Variants in CNTN5 observed in about 807,000 individuals in gnomAD.
The protein encoded by CNTN5 is contactin-5.
CNTN5 carries 77 observed loss-of-function variants against 129.1 expected under a neutral mutation model. That is an observed-to-expected ratio of 0.60 (90% CI 0.50 to 0.72). The LOEUF (loss-of-function observed/expected upper bound fraction) is 0.72, where lower values mean the gene tolerates loss of function less well. Ranked by LOEUF, CNTN5 falls within the 30% of genes least tolerant of loss-of-function variation. The pLI, the probability that CNTN5 is intolerant of heterozygous loss-of-function variation, is 0.00. For synonymous variants in CNTN5, 509 were observed against 465.6 expected, an observed-to-expected ratio of 1.09 and a Z score of -1.20; for missense variants, 1,478 against 1,328.8, an observed-to-expected ratio of 1.11 and a Z score of -1.75.
At chr11:100,159,416 G>A (rs1947364509) in intron 13 of CNTN5, among the ~76,000 whole-genome samples, 1 of 151,684 alleles carries the variant, frequency 6.6e-6, no homozygotes, top group African/African-American at 2.4e-5. Context: ...CTCTATTACT[G>A]CTAAGTCACC....
intron 2 of CNTN5, among the ~76,000 whole-genome samples, chr11:99,390,360 C>G (rs1442749240): frequency 6.6e-6 from 1 of 152,140 alleles, no homozygotes; most frequent in Non-Finnish European, 1.5e-5. Flanking sequence ...TCAAACTATC[C>G]TCCAGTCTCA....
intron 6 of CNTN5, among the ~76,000 whole-genome samples, chr11:99,854,611 G>T (rs77821296): frequency 0.012 from 1,762 of 152,282 alleles, 24 homozygotes; most frequent in African/African-American, 0.04. Flanking sequence ...AATTTATAAT[G>T]CCAGTACATA....
chr11:99,215,427 G>A lies in CNTN5; in HGVS notation c.-209-109919G>A, dbSNP rs1405165231. On this transcript the variant is annotated intron_variant, in intron 1 of 24. Coordinates refer to ENST00000524871, the MANE Select transcript of CNTN5 (RefSeq NM_014361.4). ...AACAAATAGATTTCGGAGAATTTGG[G>A]TAGTAAAGTTCATAAGACCTCCTAA... 2.6e-5 allele frequency among the ~76,000 whole-genome samples: 4 copies of A among 152,096 alleles called. 1 individual carries two copies. In the South Asian group the frequency reaches 8.3e-4, roughly 31 times the overall value.
chr11:99,420,281 C>A (rs1210962068), intron 2 of CNTN5, among the ~76,000 whole-genome samples: 1 of 151,430 alleles, frequency 6.6e-6, no homozygotes, highest in Non-Finnish European at 1.5e-5. Context: ...AAACGTAAGT[C>A]AAAAAAAATC....
intron 1 of CNTN5, among the ~76,000 whole-genome samples, chr11:99,265,066 T>C (rs1240564962): frequency 3.3e-5 from 5 of 151,928 alleles, no homozygotes; most frequent in Admixed American, 3.3e-4. Flanking sequence ...AGTAAACAAT[T>C]AAAACTTAGG....
At chr11:99,981,264 C>T (rs1385387242) in intron 8 of CNTN5, among the ~76,000 whole-genome samples, 1 of 151,914 alleles carries the variant, frequency 6.6e-6, no homozygotes. Context: ...ACCCAGGAAG[C>T]TGATGGTGTA....
chr11:99,276,367 C>T (rs1194699728), intron 1 of CNTN5, among the ~76,000 whole-genome samples: 1 of 151,590 alleles, frequency 6.6e-6, no homozygotes, highest in Non-Finnish European at 1.5e-5. Flanking sequence ...AATAATAAAA[C>T]ATTTAATAAT....
intron 2 of CNTN5, among the ~76,000 whole-genome samples, chr11:99,555,737 T>C (rs1159051081): frequency 1.3e-5 from 2 of 151,848 alleles, no homozygotes; most frequent in African/African-American, 2.4e-5. Context: ...GGCCAACCGA[T>C]CATTAGTTAT....
At chr11:99,650,496 C>T (rs1375755403) in intron 3 of CNTN5, among the ~76,000 whole-genome samples, 4 of 151,852 alleles carry the variant, frequency 2.6e-5, no homozygotes, top group Non-Finnish European at 5.9e-5. Context: ...CAGATAGCAC[C>T]ATAAGAACAT....
intron 13 of CNTN5, among the ~76,000 whole-genome samples, chr11:100,082,808 G>A (rs1027935830): frequency 5.9e-5 from 9 of 152,052 alleles, no homozygotes; most frequent in South Asian, 2.1e-4. Flanking sequence ...AATTTTCAAC[G>A]CCACTTTATG....
chr11:100,311,032 C>T (rs1951461836), intron 21 of CNTN5, among the ~76,000 whole-genome samples: 1 of 151,756 alleles, frequency 6.6e-6, no homozygotes, highest in African/African-American at 2.4e-5. Flanking sequence ...AGGGACAAGT[C>T]AAGATCTGAC....
At chr11:99,336,411 C>T (rs1322887849) in intron 2 of CNTN5, among the ~76,000 whole-genome samples, 2 of 152,086 alleles carry the variant, frequency 1.3e-5, no homozygotes, top group African/African-American at 2.4e-5. Flanking sequence ...ATTTCTAATA[C>T]TATTACTGTG....
intron 3 of CNTN5, among the ~76,000 whole-genome samples, chr11:99,657,023 A>G (rs1356511601): frequency 2.0e-5 from 3 of 151,792 alleles, no homozygotes; most frequent in East Asian, 3.9e-4. Flanking sequence ...GTCAAAGTTC[A>G]AAAGAGAAGA....
At chr11:99,563,490 A>G (rs1948906934) in intron 3 of CNTN5, among the ~76,000 whole-genome samples, 1 of 152,232 alleles carries the variant, frequency 6.6e-6, no homozygotes, top group African/African-American at 2.4e-5. Flanking sequence ...TGCCCAATGT[A>G]CATGAAGAAT....
chr11:99,978,926 A>G (rs984702561), intron 8 of CNTN5, among the ~76,000 whole-genome samples: 2 of 152,172 alleles, frequency 1.3e-5, no homozygotes, highest in Non-Finnish European at 2.9e-5. Flanking sequence ...GTTTTTCTAT[A>G]AGGTCAGGCA....
intron 1 of CNTN5, among the ~76,000 whole-genome samples, chr11:99,106,828 T>C (rs1319745569): frequency 6.6e-6 from 1 of 152,090 alleles, no homozygotes; most frequent in Non-Finnish European, 1.5e-5. Context: ...ATCGTTCCTC[T>C]AAAGAGCACT....
At chr11:99,888,407 A>T (rs1038848806) in intron 6 of CNTN5, among the ~76,000 whole-genome samples, 1 of 152,156 alleles carries the variant, frequency 6.6e-6, no homozygotes, top group Non-Finnish European at 1.5e-5. Flanking sequence ...TGTTGATACT[A>T]CTCTAACAAT....
At chr11:100,312,178 T>C (rs1456898309) in intron 21 of CNTN5, among the ~76,000 whole-genome samples, 1 of 152,104 alleles carries the variant, frequency 6.6e-6, no homozygotes, top group African/African-American at 2.4e-5. Flanking sequence ...TGTGAAATTC[T>C]TTACTTTTTA....
intron 2 of CNTN5, among the ~76,000 whole-genome samples, chr11:99,343,674 A>AT (rs1866624188): frequency 6.6e-6 from 1 of 152,156 alleles, no homozygotes. Context: ...CTGCTTTAAA[A>AT]TTTTTCAAGG....
Sources: allele counts gnomAD v4.1 joint callset (sites outside exome capture counted in the v4.1 genomes callset), GRCh38; gene constraint gnomAD v4.1.1; transcripts MANE v1.5; gene names NCBI Gene and HGNC (gene_info 2026-07-23, HGNC 2026-07-21).